Variants in FAF1 observed in about 807,000 individuals in gnomAD.
FAF1 encodes the protein Fas associated factor 1.
FAF1 carries 25 observed loss-of-function variants against 92.5 expected under a neutral mutation model. The observed-to-expected ratio is 0.27, with a 90% CI of 0.20 to 0.38. The LOEUF (loss-of-function observed/expected upper bound fraction) is 0.38. FAF1 is among the 10% of genes least tolerant of loss of function. The probability of loss-of-function intolerance (pLI) is 1.00; values close to 1 mark genes in which losing one functional copy is unlikely to be tolerated. For synonymous variants in FAF1, 234 were observed against 273.2 expected, an observed-to-expected ratio of 0.86 and a Z score of 1.42; for missense variants, 636 against 793.3, an observed-to-expected ratio of 0.80 and a Z score of 2.38.
chr1:50,611,026 C>T (rs1652662425), intron 8 of FAF1, among the ~76,000 whole-genome samples: 1 of 152,192 alleles, frequency 6.6e-6, no homozygotes, highest in South Asian at 2.1e-4. Flanking sequence ...TACAAGTGAA[C>T]ATTTCCTTTA....
At chr1:50,959,129 C>A (rs1645294992) in intron 1 of FAF1, among the ~76,000 whole-genome samples, 2 of 152,168 alleles carry the variant, frequency 1.3e-5, no homozygotes, top group Admixed American at 6.5e-5. Flanking sequence ...GGAGGGGAAT[C>A]CGCAAATATG....
At chr1:50,863,255 C>A (rs1047700939) in intron 1 of FAF1, among the ~76,000 whole-genome samples, 7 of 151,942 alleles carry the variant, frequency 4.6e-5, no homozygotes, top group Non-Finnish European at 1.0e-4. Flanking sequence ...TAATCCGCTC[C>A]TGAATGATCT....
chr1:50,916,640 A>C (rs1644920561), intron 1 of FAF1, among the ~76,000 whole-genome samples: 1 of 152,214 alleles, frequency 6.6e-6, no homozygotes, highest in African/African-American at 2.4e-5. Context: ...GACAGGTTGC[A>C]AAGGTCTTGA....
chr1:50,716,552 T>C (rs964038781), intron 6 of FAF1, among the ~76,000 whole-genome samples: 2 of 152,136 alleles, frequency 1.3e-5, no homozygotes, highest in Non-Finnish European at 2.9e-5. Flanking sequence ...AGCTAGACAA[T>C]TGTAAATACA....
chr1:50,678,002 G>A (rs1656209998), intron 7 of FAF1, among the ~76,000 whole-genome samples: 1 of 151,438 alleles, frequency 6.6e-6, no homozygotes, highest in Non-Finnish European at 1.5e-5. Flanking sequence ...TGTGAGATAT[G>A]TAGGCTAGAG....
chr1:50,876,781 G>C (rs1162207240), intron 1 of FAF1, among the ~76,000 whole-genome samples: 1 of 151,994 alleles, frequency 6.6e-6, no homozygotes, highest in Non-Finnish European at 1.5e-5. Flanking sequence ...ATGGGGTTTT[G>C]CCATGTTGGC....
At chr1:50,866,619 T>C (rs1328388168) in intron 1 of FAF1, among the ~76,000 whole-genome samples, 1 of 151,520 alleles carries the variant, frequency 6.6e-6, no homozygotes, top group Non-Finnish European at 1.5e-5. Context: ...CAAAAAACCT[T>C]AGGAATATAC....
chr1:50,744,022 G>C (rs1398869284), intron 5 of FAF1, among the ~76,000 whole-genome samples: 2 of 151,834 alleles, frequency 1.3e-5, no homozygotes, highest in African/African-American at 2.4e-5. Flanking sequence ...AGTGAGGCGA[G>C]ATCATGCCAC....
At chr1:50,558,241 GAATAAGATATT>G (rs1297758836) in intron 13 of FAF1, among the ~76,000 whole-genome samples, 1 of 151,572 alleles carries the variant, frequency 6.6e-6, no homozygotes, top group Non-Finnish European at 1.5e-5. Context: ...CTTATTTTTA[GAATAAGATATT>G]TATCTTATTT....
At chr1:50,791,917 G>T (rs1661574854) in intron 3 of FAF1, among the ~76,000 whole-genome samples, 2 of 152,134 alleles carry the variant, frequency 1.3e-5, no homozygotes, top group South Asian at 4.1e-4. Flanking sequence ...CAAGATTCAA[G>T]AATTGGCTTG....
intron 7 of FAF1, among the ~76,000 whole-genome samples, chr1:50,691,057 G>A (rs1656899816): frequency 6.6e-6 from 1 of 152,140 alleles, no homozygotes; most frequent in Non-Finnish European, 1.5e-5. Flanking sequence ...TTGTGTGGAT[G>A]CATGTTTTCA....
At chr1:50,444,399 G>A (rs1430947195) in intron 18 of FAF1, among the ~76,000 whole-genome samples, 3 of 152,224 alleles carry the variant, frequency 2.0e-5, no homozygotes, top group Non-Finnish European at 4.4e-5. Flanking sequence ...GGGTAGGGAG[G>A]GGGCTGTGTC....
chr1:50,635,432 G>A (rs1333315373), intron 8 of FAF1, among the ~76,000 whole-genome samples: 1 of 152,046 alleles, frequency 6.6e-6, no homozygotes, highest in African/African-American at 2.4e-5. Flanking sequence ...TTGTTGTTTT[G>A]TTTTGTTTCT....
intron 7 of FAF1, among the ~76,000 whole-genome samples, chr1:50,688,007 C>A (rs913694301): frequency 2.7e-5 from 4 of 149,386 alleles, no homozygotes; most frequent in African/African-American, 9.9e-5. Flanking sequence ...TGGTGGCAGG[C>A]ACCTGTAATC....
At chr1:50,858,817 C>A (rs1366691712) in intron 1 of FAF1, among the ~76,000 whole-genome samples, 2 of 151,738 alleles carry the variant, frequency 1.3e-5, no homozygotes, top group Non-Finnish European at 2.9e-5. Flanking sequence ...AGCAGGATGC[C>A]ATTTTTAAGC....
intron 13 of FAF1, among the ~76,000 whole-genome samples, chr1:50,546,514 C>T (rs148325590): frequency 0.014 from 2,116 of 152,032 alleles, 48 homozygotes; most frequent in African/African-American, 0.047. Flanking sequence ...TACAGGCACG[C>T]GCCACCACAC....
chr1:50,446,075 C>A (rs1572746266), intron 18 of FAF1, among the ~76,000 whole-genome samples: 1 of 152,190 alleles, frequency 6.6e-6, no homozygotes, highest in African/African-American at 2.4e-5. Context: ...CTAGGCCACA[C>A]TGCGAATCCT....
At chr1:50,928,676 G>A (rs1413672224) in intron 1 of FAF1, among the ~76,000 whole-genome samples, 6 of 150,564 alleles carry the variant, frequency 4.0e-5, no homozygotes, top group Admixed American at 1.3e-4. Context: ...CCAACTACTC[G>A]AGAGGCTGAG....
At chr1:50,782,375 T>TG (rs905738395) in intron 4 of FAF1, among the ~76,000 whole-genome samples, 18 of 152,072 alleles carry the variant, frequency 1.2e-4, no homozygotes, top group African/African-American at 3.9e-4. Flanking sequence ...AGGTAATGTG[T>TG]GTGTTCGTGT....
Sources: allele counts gnomAD v4.1 joint callset (sites outside exome capture counted in the v4.1 genomes callset), GRCh38; gene constraint gnomAD v4.1.1; transcripts MANE v1.5; gene names NCBI Gene and HGNC (gene_info 2026-07-23, HGNC 2026-07-21).